Variants in ZBTB34 observed in about 807,000 individuals in gnomAD.
ZBTB34 encodes zinc finger and BTB domain-containing protein 34.
ZBTB34 carries 1 observed loss-of-function variant against 33.4 expected under a neutral mutation model. That is an observed-to-expected ratio of 0.03 (90% CI 0.01 to 0.14). The LOEUF is 0.14. ZBTB34 is among the 10% of genes least tolerant of loss of function. The probability of loss-of-function intolerance (pLI) is 1.00; values close to 1 mark genes in which losing one functional copy is unlikely to be tolerated. For synonymous variants in ZBTB34, 283 were observed against 253.5 expected (o/e 1.12, Z -1.11); for missense variants, 406 against 657.2 (o/e 0.62, Z 4.18).
intron 1 of ZBTB34, among the ~76,000 whole-genome samples, chr9:126,878,630 A>G (rs770650081): frequency 1.3e-5 from 2 of 152,136 alleles, no homozygotes; most frequent in Non-Finnish European, 2.9e-5. Flanking sequence ...AGCTCCATTT[A>G]TTGTATCCAG....
At chr9:126,881,951 G>T (rs996300805) in exon 2 of ZBTB34, 1 of 166,502 alleles carries the variant, frequency 6.0e-6, no homozygotes, top group Non-Finnish European at 1.5e-5. Flanking sequence ...CAGTGTTGTG[G>T]TTTTTTTTGT....
rs768979342 is a variant in ZBTB34 at position 126,879,690 on chromosome 9, C to T, written c.291C>T (p.Ser97=). The change falls in exon 2 of 2, where the codon TCC becomes TCT. Residue 97 remains serine (S), a synonymous_variant. Transcript: ENST00000319119. This position sits in a 1 kb window ranked among gnomAD's most constrained non-coding sequence, Gnocchi z 6.4. ...CTTTTTGTTACACTGGAAGAATGTC[C>T]TTGCAGCTGAAGGATGTTGTCAGTT... 4 of 1,613,472 alleles carry T rather than the reference C, an allele frequency of 2.5e-6. No homozygotes were observed. The highest frequency in any genetic ancestry group is 3.4e-6 in the Non-Finnish European group (4 of 1,179,898).
At chr9:126,871,180 GGGGTGTGTGTGTGTGT>G (rs1423319808) in intron 1 of ZBTB34, among the ~76,000 whole-genome samples, 68 of 69,094 alleles carry the variant, frequency 9.8e-4, no homozygotes, top group African/African-American at 2.7e-3. Context: ...GTAAGTGAGG[GGGGTGTGTGTGTGTGT>G]GTGTGTGTGT....
At chr9:126,873,977 G>A (rs1440639188) in intron 1 of ZBTB34, among the ~76,000 whole-genome samples, 2 of 147,338 alleles carry the variant, frequency 1.4e-5, no homozygotes, top group Non-Finnish European at 3.0e-5. Flanking sequence ...ACATAGTCGC[G>A]TTTTTCAGTT....
intron 1 of ZBTB34, among the ~76,000 whole-genome samples, chr9:126,878,143 G>A (rs766713194): frequency 6.6e-6 from 1 of 152,068 alleles, no homozygotes; most frequent in Non-Finnish European, 1.5e-5. Flanking sequence ...AGACCAGCCT[G>A]GGCAACATAA....
chr9:126,876,443 C>T (rs575623555), intron 1 of ZBTB34, among the ~76,000 whole-genome samples: 2 of 151,366 alleles, frequency 1.3e-5, no homozygotes, highest in South Asian at 4.2e-4. Context: ...TGGGTTTTCT[C>T]CTGTACTTAC....
In ZBTB34 at chr9:126,879,800, G is replaced by A. The variant is rs752364182; in HGVS notation, c.401G>A (p.Ser134Asn). The A allele has an allele frequency of 4.3e-6, 7 of 1,613,358 alleles. No homozygotes were observed. In the Admixed American group the frequency reaches 8.3e-5, roughly 19 times the overall value. ...CTAGAGAGCATCCATTCCAAAATCA[G>A]CGTTGGAGATGTTGACTCTGTTACC... The change falls in exon 2 of 2, where the codon AGC becomes AAC. Residue 134 changes from serine to asparagine, a missense_variant. By Grantham distance (46) the Ser-to-Asn change is conservative. Around this residue, in one of 6 missense-constraint regions of ZBTB34, gnomAD observed 137 missense variants for 173.0 expected, o/e 0.79. Transcript: ENST00000319119. This position sits in a 1 kb window ranked among gnomAD's most constrained non-coding sequence, Gnocchi z 6.4.
chr9:126,883,551 A>G (rs2033474922), exon 2 of ZBTB34: 1 of 167,214 alleles, frequency 6.0e-6, no homozygotes, highest in South Asian at 2.1e-4. Flanking sequence ...TTGATTGTAC[A>G]GTTCAGGTTC....
chr9:126,878,894 T>C (rs1249503021), intron 1 of ZBTB34, among the ~76,000 whole-genome samples: 2 of 152,034 alleles, frequency 1.3e-5, no homozygotes, highest in African/African-American at 4.8e-5. Context: ...AGGCTAATTT[T>C]TGTATTTTTA....
chr9:126,876,367 C>A (rs1207269186), intron 1 of ZBTB34, among the ~76,000 whole-genome samples: 1 of 148,902 alleles, frequency 6.7e-6, no homozygotes, highest in Non-Finnish European at 1.5e-5. Context: ...TTATTTTTGC[C>A]TTACGCTGAA....
chr9:126,881,641 C>G (rs546682192), exon 2 of ZBTB34: 1 of 166,966 alleles, frequency 6.0e-6, no homozygotes, highest in African/African-American at 2.4e-5. Context: ...AATACATAAA[C>G]CAAATGCCAT....
In ZBTB34 at chr9:126,880,785, G is replaced by A. The variant is rs369114294; in HGVS notation, c.1386G>A (p.Arg462=). 1.7e-5 allele frequency: 28 copies of A among 1,613,586 alleles called. No individual in the cohort carries two copies. The Admixed American group carries it at 2.2e-4, about 12-fold the overall frequency. Residue 462 remains arginine, a synonymous_variant, in exon 2 of 2, where the codon AGG becomes AGA. Coordinates refer to ENST00000319119, the Ensembl canonical transcript of ZBTB34. The surrounding 1 kb of genome is among the most constrained non-coding windows in gnomAD (Gnocchi z 6.7). ...ACCACCCAGGCGTTGCTGAAGTCAG[G>A]AGTCGCATTGAGTCCCCCGAGAGAA...
intron 1 of ZBTB34, among the ~76,000 whole-genome samples, chr9:126,872,553 T>C (rs1408013618): frequency 6.6e-6 from 1 of 152,194 alleles, no homozygotes; most frequent in Non-Finnish European, 1.5e-5. Context: ...TAGAGGATCA[T>C]ATTTGAACTT....
chr9:126,881,119 C>T (rs952755353), exon 2 of ZBTB34: 6 of 587,978 alleles, frequency 1.0e-5, no homozygotes, highest in Non-Finnish European at 1.8e-5. Context: ...TGAAGGGCAA[C>T]GCATCCAGGG....
intron 1 of ZBTB34, among the ~76,000 whole-genome samples, chr9:126,866,929 G>A (rs895466579): frequency 2.6e-5 from 4 of 152,054 alleles, no homozygotes; most frequent in African/African-American, 7.2e-5. Context: ...AGCAAGCAAC[G>A]TAATATAATT....
chr9:126,863,058 A>G (rs886496925), intron 1 of ZBTB34, among the ~76,000 whole-genome samples: 4 of 152,124 alleles, frequency 2.6e-5, no homozygotes, highest in African/African-American at 4.8e-5. Context: ...TGAAACTTTG[A>G]AACGTTTCCC....
At chr9:126,883,850 A>G (rs1250950323) in exon 2 of ZBTB34, 2 of 167,130 alleles carry the variant, frequency 1.2e-5, no homozygotes, top group Non-Finnish European at 2.9e-5. Flanking sequence ...GATTAACTCC[A>G]TTCAGATCGG....
rs184749262 is a variant in ZBTB34, at chr9:126,868,695, G to A, written c.-11+7956G>A. 4.6e-5 allele frequency among the ~76,000 whole-genome samples: 7 copies of A among 152,286 alleles called. No homozygotes were observed. The East Asian group carries it at 1.4e-3, about 29-fold the overall frequency. On this transcript the variant is annotated intron_variant, in intron 1 of 1. Transcript: ENST00000319119. The stretch of plus-strand genomic sequence containing the variant: ...CCCTCACAGTTTGCTGTTGCTTTCA[G>A]GGCGCCGGTCTCAATGCTGCTTTGA...
At chr9:126,863,391 C>CTGAA (rs2033164889) in intron 1 of ZBTB34, among the ~76,000 whole-genome samples, 1 of 152,174 alleles carries the variant, frequency 6.6e-6, no homozygotes, top group Non-Finnish European at 1.5e-5. Context: ...TGATAAGCTG[C>CTGAA]TGAACTGTGT....
Sources: allele counts gnomAD v4.1 joint callset (sites outside exome capture counted in the v4.1 genomes callset), GRCh38; gene constraint gnomAD v4.1.1; regional missense constraint gnomAD v4.1.1; non-coding constraint Gnocchi (gnomAD v3.1); transcripts MANE v1.5; gene names NCBI Gene and HGNC (gene_info 2026-07-23, HGNC 2026-07-21).